The following CSMD3 variants were observed in gnomAD, a reference collection of about 807,000 sequenced individuals.
CSMD3 encodes the protein CUB and sushi domain-containing protein 3.
Under a neutral mutation model 435.2 loss-of-function variants are expected in CSMD3, and 177 were observed. The ratio of observed to expected loss-of-function variants is 0.41; its 90% CI spans 0.36 to 0.46. The LOEUF is 0.46. Among genes scored for constraint, CSMD3 ranks in the 20% least tolerant of loss-of-function variants. The probability of loss-of-function intolerance (pLI) is 0.34; values close to 1 mark genes in which losing one functional copy is unlikely to be tolerated. For missense variants in CSMD3, 4,265 were observed against 4,504.6 expected (o/e 0.95, Z 1.52); for synonymous variants, 1,656 against 1,520.5 (o/e 1.09, Z -2.07).
At chr8:113,041,160 C>T (rs1254828062) in intron 5 of CSMD3, among the ~76,000 whole-genome samples, 1 of 137,758 alleles carries the variant, frequency 7.3e-6, no homozygotes, top group South Asian at 2.2e-4. Context: ...GAGCCGAGAT[C>T]GCGACACTGC....
At chr8:113,377,226 C>T in intron 1 of CSMD3, 1 of 891,002 alleles carries the variant, frequency 1.1e-6, no homozygotes, top group Non-Finnish European at 1.4e-6. Context: ...GACCGAAGGG[C>T]CAGCCGAGGA....
chr8:112,844,201 A>C (rs1219596068), intron 11 of CSMD3, among the ~76,000 whole-genome samples: 1 of 151,994 alleles, frequency 6.6e-6, no homozygotes, highest in Admixed American at 6.6e-5. Flanking sequence ...TAATTAATTC[A>C]AAAAAATCAG....
At chr8:113,330,544 A>G (rs1252084185) in intron 1 of CSMD3, among the ~76,000 whole-genome samples, 1 of 151,956 alleles carries the variant, frequency 6.6e-6, no homozygotes, top group Non-Finnish European at 1.5e-5. Flanking sequence ...ATTATTCAAG[A>G]GACATATTTT....
rs752660428 is a variant in CSMD3 at position 112,636,947 on chromosome 8, C to A, written c.3585G>T (p.Gly1195=). 3 of 1,613,336 alleles carry A rather than the reference C, an allele frequency of 1.9e-6. No individual in the cohort carries two copies. Among genetic ancestry groups the A allele is most frequent in the Non-Finnish European group, 8.5e-7 (1 of 1,179,722 alleles). The part of the protein sequence containing the change: ...PGIPQYGSRI[G]FNFGIGDTLT... ...GAGTGTCACCAATCCCAAAGTTGAA[C>A]CCGATTCGACTACCATATTGAGGAA... Residue 1195 remains glycine, a synonymous_variant, in exon 22 of 71, where the codon GGG becomes GGT. Transcript: ENST00000297405.
chr8:112,721,507 C>T (rs1276705554), intron 13 of CSMD3, among the ~76,000 whole-genome samples: 2 of 152,066 alleles, frequency 1.3e-5, no homozygotes, highest in Admixed American at 6.6e-5. Context: ...ACCCGGAAGG[C>T]GGAGTTTGCA....
chr8:113,270,118 A>G (rs893430691), intron 3 of CSMD3, among the ~76,000 whole-genome samples: 2 of 152,118 alleles, frequency 1.3e-5, no homozygotes, highest in African/African-American at 4.8e-5. Flanking sequence ...AATTTACAAG[A>G]AAAAAACAAC....
chr8:112,290,816 A>G (rs1035189854), intron 56 of CSMD3, among the ~76,000 whole-genome samples: 2 of 151,952 alleles, frequency 1.3e-5, no homozygotes, highest in African/African-American at 4.8e-5. Flanking sequence ...ATCTAGTTCA[A>G]TTTGAGGCCT....
chr8:113,266,883 C>T (rs746641663), intron 3 of CSMD3, among the ~76,000 whole-genome samples: 80 of 151,408 alleles, frequency 5.3e-4, no homozygotes, highest in South Asian at 1.2e-3. Context: ...GAATACAAAA[C>T]GAACTCAAAC....
At chr8:112,717,118 C>A (rs1018581583) in intron 13 of CSMD3, among the ~76,000 whole-genome samples, 14 of 151,966 alleles carry the variant, frequency 9.2e-5, no homozygotes, top group African/African-American at 3.4e-4. Context: ...AAACTATCAT[C>A]AGAGTGAACA....
chr8:112,551,103 A>G (rs997199007), intron 26 of CSMD3, among the ~76,000 whole-genome samples: 1 of 152,070 alleles, frequency 6.6e-6, no homozygotes, highest in Non-Finnish European at 1.5e-5. Flanking sequence ...AATTGTAGAA[A>G]CTTCAGGCAT....
intron 40 of CSMD3, among the ~76,000 whole-genome samples, chr8:112,347,681 C>A (rs1391167707): frequency 6.6e-6 from 1 of 152,036 alleles, no homozygotes; most frequent in South Asian, 2.1e-4. Context: ...GTTAATTCAC[C>A]CTTAAACCAA....
chr8:113,425,605 C>T (rs1409733746), intron 1 of CSMD3, among the ~76,000 whole-genome samples: 50 of 151,398 alleles, frequency 3.3e-4, no homozygotes, highest in Non-Finnish European at 7.4e-5. Flanking sequence ...CTCAAGCTAA[C>T]ACAGATATTA....
chr8:113,066,129 G>GAAAAAAAAAAAAAAAAA (rs532343282), intron 5 of CSMD3, among the ~76,000 whole-genome samples: 1 of 49,182 alleles, frequency 2.0e-5, no homozygotes, highest in Non-Finnish European at 4.4e-5. Flanking sequence ...CCAAGAAAAA[G>GAAAAAAAAAAAAAAAAA]AAAAAAAAAA....
chr8:112,395,793 A>C lies in CSMD3; in HGVS notation c.5810-5005T>G, dbSNP rs79399814. Reference sequence around the variant, plus strand: ...GGGGGTTTAGGAGACTGCATAGTTTAAGAAATGTGAAATGTAACAAGGTCA... The same window carrying C: ...GGGGGTTTAGGAGACTGCATAGTTTCAGAAATGTGAAATGTAACAAGGTCA... On this transcript the variant is annotated intron_variant, in intron 35 of 70. Coordinates refer to ENST00000297405, the MANE Select transcript of CSMD3 (RefSeq NM_198123.2). Among the ~76,000 whole-genome samples the C allele has an allele frequency of 1.4e-4, 22 of 152,306 alleles. 1 individual carries two copies. The East Asian group carries it at 4.1e-3, about 28-fold the overall frequency.
intron 10 of CSMD3, among the ~76,000 whole-genome samples, chr8:112,868,560 C>T (rs759267820): frequency 1.5e-4 from 23 of 152,024 alleles, no homozygotes; most frequent in Non-Finnish European, 2.1e-4. Context: ...ATAAATTTTT[C>T]GGCTTCATTA....
chr8:113,179,603 T>C (rs531599724), intron 3 of CSMD3, among the ~76,000 whole-genome samples: 1 of 151,934 alleles, frequency 6.6e-6, no homozygotes, highest in East Asian at 1.9e-4. Flanking sequence ...TTATTTGGTA[T>C]CATATATTAA....
intron 5 of CSMD3, among the ~76,000 whole-genome samples, chr8:113,058,346 A>G (rs973579536): frequency 6.6e-6 from 1 of 152,002 alleles, no homozygotes; most frequent in Non-Finnish European, 1.5e-5. Context: ...CTAAAGTTAA[A>G]TAAAATATGC....
intron 68 of CSMD3, among the ~76,000 whole-genome samples, chr8:112,232,831 T>A (rs770813224): frequency 6.6e-5 from 10 of 152,112 alleles, no homozygotes; most frequent in Non-Finnish European, 1.5e-4. Flanking sequence ...GTTTTGGACT[T>A]CTGACAAGAG....
chr8:113,079,434 T>C (rs1390693765), intron 5 of CSMD3, among the ~76,000 whole-genome samples: 1 of 152,148 alleles, frequency 6.6e-6, no homozygotes, highest in Non-Finnish European at 1.5e-5. Context: ...ACTTTGATTT[T>C]TTTTTCAACT....
Sources: allele counts gnomAD v4.1 joint callset (sites outside exome capture counted in the v4.1 genomes callset), GRCh38; gene constraint gnomAD v4.1.1; transcripts MANE v1.5; gene names NCBI Gene and HGNC (gene_info 2026-07-23, HGNC 2026-07-21).